The following ORC1 variants were observed in gnomAD, a reference collection of about 807,000 sequenced individuals.
ORC1 encodes origin recognition complex, subunit 1 homolog.
Under a neutral mutation model 98.9 loss-of-function variants are expected in ORC1, and 61 were observed. The observed-to-expected ratio is 0.62, with a 90% CI of 0.50 to 0.76. The LOEUF (loss-of-function observed/expected upper bound fraction) is 0.76. ORC1 is among the 30% of genes least tolerant of loss of function. ORC1 has a pLI of 0.00. For missense variants in ORC1, 979 were observed against 1,072.2 expected, an observed-to-expected ratio of 0.91 and a Z score of 1.21; for synonymous variants, 385 against 406.9, an observed-to-expected ratio of 0.95 and a Z score of 0.65.
chr1:52,383,728 A>C (rs981676377), intron 12 of ORC1, 102 bp downstream of exon 12: 74 of 1,275,874 alleles, frequency 5.8e-5, no homozygotes, highest in Middle Eastern at 2.4e-4. Flanking sequence ...AAATGGGCTC[A>C]TATGAATGGA....
intron 3 of ORC1, among the ~76,000 whole-genome samples, chr1:52,399,623 C>CAAAAAAAAA (rs1198516466): frequency 4.7e-5 from 3 of 64,118 alleles, no homozygotes; most frequent in African/African-American, 1.0e-4. Flanking sequence ...GACTCTGTCT[C>CAAAAAAAAA]AAAAAAAAAA....
At chr1:52,397,564 G>A (rs934488854) in intron 4 of ORC1, 121 bp downstream of exon 4, 5 of 909,758 alleles carry the variant, frequency 5.5e-6, no homozygotes, top group Non-Finnish European at 9.1e-6. Context: ...CACAGAAGAT[G>A]ACAGGAAATA....
chr1:52,375,701 T>C lies in ORC1; in HGVS notation c.2134-102A>G, dbSNP rs142553436. Reference sequence around the variant, plus strand: ...GGACATAAGCGTAAAGTTAAGTACTTAGCCCTGGCAGGGAACCTGGAGGAA... The same window carrying C: ...GGACATAAGCGTAAAGTTAAGTACTCAGCCCTGGCAGGGAACCTGGAGGAA... On this transcript the variant is annotated intron_variant, in intron 14 of 16. Coordinates refer to ENST00000371568, the MANE Select transcript of ORC1 (RefSeq NM_004153.4). The C allele has an allele frequency of 7.5e-5, 83 of 1,101,212 alleles. No individual in the cohort carries two copies. The African/African-American group carries it at 9.0e-4, about 12-fold the overall frequency. The allele number at this position is 1,101,212 out of a possible 1,614,324, so 68.2% of individuals were successfully genotyped here.
At chr1:52,374,990 A>T (rs565079858) in intron 15 of ORC1, 93 bp from the exon 16 acceptor site, 1 of 786,926 alleles carries the variant, frequency 1.3e-6, no homozygotes, top group Non-Finnish European at 2.2e-6. Flanking sequence ...TCTTTAGAAA[A>T]GAGAAAACCC....
rs776308957 is a variant in ORC1, at chr1:52,384,556, G to T, written c.1749C>A (p.Ile583=). 1 of 1,614,018 alleles carries T rather than the reference G, an allele frequency of 6.2e-7. No homozygotes were observed. Among genetic ancestry groups the T allele is most frequent in the Non-Finnish European group, 8.5e-7 (1 of 1,179,956 alleles). The change falls in exon 11 of 17, where the codon ATC becomes ATA. Residue 583 remains isoleucine, a synonymous_variant. Coordinates refer to ENST00000371568, the MANE Select transcript of ORC1 (RefSeq NM_004153.4). ...LTEPHQVYVQ[I]LQKLTGQKAT... The stretch of plus-strand genomic sequence containing the variant: ...CCTAAACAGCTCTGCTTACCTGCAA[G>T]ATTTGCACATAGACTTGGTGGGGCT...
intron 3 of ORC1, among the ~76,000 whole-genome samples, chr1:52,399,849 G>A (rs1416658010): frequency 6.6e-6 from 1 of 150,616 alleles, no homozygotes; most frequent in Non-Finnish European, 1.5e-5. Flanking sequence ...AAGAATTACA[G>A]CATCAACCAC....
At chr1:52,405,053 G>A (rs778313482), upstream of ORC1, among the ~76,000 whole-genome samples, 4 of 152,194 alleles carry the variant, frequency 2.6e-5, no homozygotes, top group East Asian at 1.9e-4. Flanking sequence ...GAGTATTAGA[G>A]GCACAGATGA....
chr1:52,385,414 ATCCC>A, intron 9 of ORC1, 152 bp from the exon 10 acceptor site: 1 of 719,704 alleles, frequency 1.4e-6, no homozygotes, highest in Non-Finnish European at 2.5e-6. Flanking sequence ...TCATTCTCAA[ATCCC>A]TCCATTTGGC....
chr1:52,375,322 G>C, intron 15 of ORC1, 108 bp downstream of exon 15: 1 of 988,696 alleles, frequency 1.0e-6, no homozygotes, highest in Non-Finnish European at 1.6e-6. Flanking sequence ...ATGTCCCTAT[G>C]AAACATAACT....
At chr1:52,408,591 C>G, upstream of ORC1, 2 of 1,614,194 alleles carry the variant, frequency 1.2e-6, no homozygotes, top group Non-Finnish European at 1.7e-6. Flanking sequence ...GCTGGGGGCA[C>G]TTTACATGAG....
At chr1:52,404,042 C>A (rs1180307322) in intron 1 of ORC1, among the ~76,000 whole-genome samples, 2 of 152,232 alleles carry the variant, frequency 1.3e-5, no homozygotes, top group Non-Finnish European at 2.9e-5. Flanking sequence ...CAGTTCCCTG[C>A]AGCGCGGGAA....
upstream of ORC1, chr1:52,404,542 C>T (rs1239287825): frequency 1.5e-5 from 8 of 521,582 alleles, no homozygotes; most frequent in Non-Finnish European, 2.4e-5. Context: ...TGACGTACAT[C>T]CGCTAACATG....
Position 52,374,854 on chromosome 1 carries a change from C to A in ORC1, c.2347G>T (p.Ala783Ser), listed in dbSNP as rs779410890. Residue 783 changes from alanine (A) to serine (S), a missense_variant, in exon 16 of 17, where the codon GCA (alanine) becomes TCA (serine). Ala to Ser is a moderately conservative substitution (Grantham distance 99). Coordinates refer to ENST00000371568, the MANE Select transcript of ORC1 (RefSeq NM_004153.4). ...TCCAGTCCTGATCGACGGAACTCTG[C>A]GAGGATGGCTCTCAGGAAGCTCTGT... ...LEQSFLRAILAEFRRSGLEEA... is the reference protein window; with the variant it reads ...LEQSFLRAILSEFRRSGLEEA... 6 of 1,613,850 alleles carry A rather than the reference C, an allele frequency of 3.7e-6. No homozygotes were observed. Among genetic ancestry groups the A allele is most frequent in the Non-Finnish European group, 5.1e-6 (6 of 1,179,778 alleles).
chr1:52,399,441 G>T (rs530303469), intron 3 of ORC1, among the ~76,000 whole-genome samples: 1 of 151,916 alleles, frequency 6.6e-6, no homozygotes, highest in African/African-American at 2.4e-5. Context: ...TGGCTAACAC[G>T]GTGAAACCCC....
intron 2 of ORC1, among the ~76,000 whole-genome samples, chr1:52,401,825 G>C (rs759455051): frequency 6.6e-6 from 1 of 152,044 alleles, no homozygotes; most frequent in Non-Finnish European, 1.5e-5. Flanking sequence ...TCCAGGGCTG[G>C]GAAAGACATA....
upstream of ORC1, among the ~76,000 whole-genome samples, chr1:52,406,286 C>T (rs143546384): frequency 1.0e-3 from 158 of 152,280 alleles, 3 homozygotes; most frequent in South Asian, 0.03. Context: ...GCCACCACAC[C>T]CTGCCAAGTT....
chr1:52,383,619 G>T, intron 12 of ORC1, 50 bp from the exon 13 acceptor site: 6 of 1,603,106 alleles, frequency 3.7e-6, no homozygotes, highest in Non-Finnish European at 5.1e-6. Flanking sequence ...AGACTGAGCT[G>T]GTGCTTCAAA....
At chr1:52,373,523 C>A in intron 16 of ORC1, 148 bp from the exon 17 acceptor site, 1 of 703,044 alleles carries the variant, frequency 1.4e-6, no homozygotes, top group Non-Finnish European at 2.5e-6. Flanking sequence ...CCCAGTGGTA[C>A]ACAAAATGCA....
At chr1:52,391,190 T>A (rs1165687369) in intron 6 of ORC1, among the ~76,000 whole-genome samples, 2 of 151,050 alleles carry the variant, frequency 1.3e-5, no homozygotes, top group African/African-American at 4.9e-5. Flanking sequence ...GCGCTGGTAG[T>A]CCCAGCTACT....
Sources: gnomAD v4.1 joint callset for allele counts (sites outside exome capture counted in the v4.1 genomes callset) on GRCh38, gnomAD v4.1.1 for gene constraint, MANE v1.5 for transcripts, NCBI Gene and HGNC (gene_info 2026-07-23, HGNC 2026-07-21) for gene names.